Variants in RBFOX1 observed in about 807,000 individuals in gnomAD.
RBFOX1 encodes the protein RNA binding protein fox-1 homolog 1.
In RBFOX1, 8 loss-of-function variants were observed where a neutral mutation model predicts 57.7. The ratio of observed to expected loss-of-function variants is 0.14; its 90% confidence interval spans 0.08 to 0.25. RBFOX1 has a LOEUF of 0.25. RBFOX1 is among the 10% of genes least tolerant of loss of function. RBFOX1 has a pLI of 1.00. For synonymous variants in RBFOX1, 326 were observed against 222.4 expected, an observed-to-expected ratio of 1.47 and a Z score of -4.15; for missense variants, 611 against 548.5, an observed-to-expected ratio of 1.11 and a Z score of -1.14.
chr16:7,076,121 A>G (rs1383993552), intron 4 of RBFOX1, among the ~76,000 whole-genome samples: 2 of 148,802 alleles, frequency 1.3e-5, no homozygotes, highest in Non-Finnish European at 3.0e-5. Flanking sequence ...GGCTCACTGC[A>G]ACCTCTGCCT....
At chr16:7,218,787 C>T (rs2092479705) in intron 4 of RBFOX1, among the ~76,000 whole-genome samples, 1 of 151,334 alleles carries the variant, frequency 6.6e-6, no homozygotes, top group Non-Finnish European at 1.5e-5. Flanking sequence ...TTCTCTTCTA[C>T]TGCACGATGC....
chr16:7,542,235 GA>G (rs1250606687), intron 5 of RBFOX1, among the ~76,000 whole-genome samples: 2 of 152,138 alleles, frequency 1.3e-5, no homozygotes, highest in Non-Finnish European at 2.9e-5. Flanking sequence ...AAAGGGGAAA[GA>G]AAATAATTCC....
At chr16:5,311,390 A>G (rs2064085247) in intron 1 of RBFOX1, among the ~76,000 whole-genome samples, 1 of 152,138 alleles carries the variant, frequency 6.6e-6, no homozygotes, top group Non-Finnish European at 1.5e-5. Context: ...TCTTGCTATC[A>G]TGACTTCTCT....
In RBFOX1 at chr16:7,254,913, C is replaced by T. The variant is rs921698305; in HGVS notation, c.27+202815C>T. Among the ~76,000 whole-genome samples, 7 of 152,094 alleles carry T rather than the reference C, an allele frequency of 4.6e-5. No homozygotes were observed. In the East Asian group the frequency reaches 7.7e-4, roughly 17 times the overall value. On this transcript the variant is annotated intron_variant, in intron 4 of 15. Transcript: ENST00000550418. ...GTCACTGCATTTTGTACCATCATTT[C>T]TCTAGACATTTCAAATTTCAATTCA...
At chr16:5,808,445 A>G (rs1196694654) in intron 3 of RBFOX1, among the ~76,000 whole-genome samples, 2 of 152,138 alleles carry the variant, frequency 1.3e-5, no homozygotes, top group Non-Finnish European at 2.9e-5. Flanking sequence ...GTTTTTTCCA[A>G]TTCTGTGAAG....
chr16:5,536,942 T>A (rs2044723230), intron 2 of RBFOX1, among the ~76,000 whole-genome samples: 1 of 152,184 alleles, frequency 6.6e-6, no homozygotes, highest in Non-Finnish European at 1.5e-5. Context: ...GCTTACATAT[T>A]TTTCTTTGCA....
chr16:5,267,885 C>T (rs1387550919), intron 1 of RBFOX1, among the ~76,000 whole-genome samples: 1 of 152,082 alleles, frequency 6.6e-6, no homozygotes, highest in Non-Finnish European at 1.5e-5. Flanking sequence ...AGTTTGAGCA[C>T]AGCCTGGCCA....
intron 2 of RBFOX1, among the ~76,000 whole-genome samples, chr16:6,525,434 T>C: frequency 6.6e-6 from 1 of 152,236 alleles, no homozygotes; most frequent in East Asian, 1.9e-4. Flanking sequence ...GAAGTGATGC[T>C]ATAAGGTATC....
intron 4 of RBFOX1, among the ~76,000 whole-genome samples, chr16:6,009,608 T>A (rs1269389156): frequency 6.6e-6 from 1 of 152,094 alleles, no homozygotes; most frequent in Non-Finnish European, 1.5e-5. Context: ...TCTGAGAGCT[T>A]GAGAGCACAG....
intron 2 of RBFOX1, among the ~76,000 whole-genome samples, chr16:5,498,790 C>A (rs2043090418): frequency 6.6e-6 from 1 of 152,236 alleles, no homozygotes; most frequent in Admixed American, 6.5e-5. Flanking sequence ...TGCGTCTGGG[C>A]CTTCATGCCC....
At chr16:7,475,904 C>T (rs1567375744) in intron 4 of RBFOX1, among the ~76,000 whole-genome samples, 1 of 152,188 alleles carries the variant, frequency 6.6e-6, no homozygotes, top group East Asian at 1.9e-4. Flanking sequence ...AAGAAGTTCA[C>T]ATCATGTCTG....
intron 3 of RBFOX1, among the ~76,000 whole-genome samples, chr16:7,019,800 A>G (rs933981151): frequency 4.6e-5 from 7 of 152,130 alleles, no homozygotes; most frequent in Non-Finnish European, 4.4e-5. Context: ...CCACGCCCCA[A>G]TTCCCATTAA....
chr16:5,882,305 T>C (rs2057783046), intron 4 of RBFOX1, among the ~76,000 whole-genome samples: 1 of 152,188 alleles, frequency 6.6e-6, no homozygotes, highest in Non-Finnish European at 1.5e-5. Context: ...AAGAAACTTG[T>C]CTTAGAGTTG....
intron 1 of RBFOX1, among the ~76,000 whole-genome samples, chr16:5,449,969 G>T (rs2068371677): frequency 6.6e-6 from 1 of 152,120 alleles, no homozygotes; most frequent in Non-Finnish European, 1.5e-5. Flanking sequence ...CTTTCTACAT[G>T]CATTTAGTGG....
chr16:7,146,255 C>G (rs2074957388), intron 4 of RBFOX1, among the ~76,000 whole-genome samples: 1 of 152,120 alleles, frequency 6.6e-6, no homozygotes, highest in Non-Finnish European at 1.5e-5. Flanking sequence ...GCAGATGCCA[C>G]GTATTGAAAT....
intron 1 of RBFOX1, among the ~76,000 whole-genome samples, chr16:6,300,452 A>T (rs1222090307): frequency 6.6e-6 from 1 of 152,192 alleles, no homozygotes; most frequent in Non-Finnish European, 1.5e-5. Flanking sequence ...TTGTCAACTT[A>T]AAGAATAAAA....
At chr16:6,486,592 A>G (rs35682092) in intron 2 of RBFOX1, among the ~76,000 whole-genome samples, 34,291 of 151,782 alleles carry the variant, frequency 0.23, 4,515 homozygotes, top group Non-Finnish European at 0.3. Flanking sequence ...TTCACTCTCC[A>G]TCTTGTGTTG....
chr16:6,671,318 CAG>C (rs2098763525), intron 3 of RBFOX1, among the ~76,000 whole-genome samples: 1 of 152,092 alleles, frequency 6.6e-6, no homozygotes, highest in Admixed American at 6.5e-5. Flanking sequence ...ACACTTGTGT[CAG>C]AGGTCCATGG....
chr16:6,770,718 A>C (rs1481270721), intron 3 of RBFOX1, among the ~76,000 whole-genome samples: 1 of 152,102 alleles, frequency 6.6e-6, no homozygotes, highest in Non-Finnish European at 1.5e-5. Flanking sequence ...AGATGAGAGG[A>C]AGTGGCATAG....
Sources: allele counts gnomAD v4.1 joint callset (sites outside exome capture counted in the v4.1 genomes callset), GRCh38; gene constraint gnomAD v4.1.1; transcripts MANE v1.5; gene names NCBI Gene and HGNC (gene_info 2026-07-23, HGNC 2026-07-21).